SEC24B: variants seen among roughly 807,000 people sequenced by gnomAD.
SEC24B encodes protein transport protein Sec24B.
SEC24B carries 45 observed loss-of-function variants against 142.8 expected under a neutral mutation model. That is an observed-to-expected ratio of 0.32 (90% CI 0.25 to 0.40). The LOEUF is 0.40. SEC24B is among the 10% of genes least tolerant of loss of function. The pLI is 1.00. For missense variants in SEC24B, 1,409 were observed against 1,526.8 expected (o/e 0.92, Z 1.29); for synonymous variants, 574 against 568.2 (o/e 1.01, Z -0.15).
chr4:109,468,253 A>G (rs748521269), intron 2 of SEC24B, among the ~76,000 whole-genome samples: 1 of 152,214 alleles, frequency 6.6e-6, no homozygotes, highest in Admixed American at 6.5e-5. Flanking sequence ...ACTCCCTCAC[A>G]TACTTATTCC....
At chr4:109,505,755 A>T (rs1208913242) in intron 6 of SEC24B, among the ~76,000 whole-genome samples, 1 of 152,204 alleles carries the variant, frequency 6.6e-6, no homozygotes, top group Non-Finnish European at 1.5e-5. Context: ...GAAAGCAAGG[A>T]AACTATCAAA....
rs573186747 is a variant in SEC24B, at chr4:109,527,888, TCTTC to T, written c.3076+460_3076+463del. Among the ~76,000 whole-genome samples, 22 of 152,350 alleles carry T rather than the reference TCTTC, an allele frequency of 1.4e-4. No homozygotes were observed. The East Asian group carries it at 3.7e-3, about 25-fold the overall frequency. Reference sequence around the variant, plus strand: ...TTGTGAATCAGACTGTCCTCACATTTCTTCCTTAATCTTACTTTCAAAATCTTTG... The same window carrying T: ...TTGTGAATCAGACTGTCCTCACATTTCTTAATCTTACTTTCAAAATCTTTG... On this transcript the variant is annotated intron_variant, in intron 18 of 23. Transcript: ENST00000265175.
At chr4:109,511,695 C>T (rs1737351674) in intron 8 of SEC24B, among the ~76,000 whole-genome samples, 1 of 152,172 alleles carries the variant, frequency 6.6e-6, no homozygotes, top group Admixed American at 6.5e-5. Flanking sequence ...TAAAGTTAAA[C>T]TGATAAGATC....
Position 109,516,557 on chromosome 4 carries a change from G to A in SEC24B, c.2043G>A (p.Leu681=), listed in dbSNP as rs750972433. 6.2e-7 allele frequency: 1 copy of A among 1,611,890 alleles called. No individual in the cohort carries two copies. Among genetic ancestry groups the A allele is most frequent in the African/African-American group, 1.3e-5 (1 of 74,830 alleles). ...MLRPPQPAVY[L]FVLDVSHNAV... ...GTCCTCCTCAACCTGCAGTTTACTT[G>A]TTTGTTTTAGATGTGTCTCATAATG... Residue 681 remains leucine, a synonymous_variant, in exon 11 of 24, where the codon TTG becomes TTA. Transcript: ENST00000265175.
At position 109,459,312 on chromosome 4, in the gene SEC24B, G is replaced by A. The variant is rs117480367; in HGVS notation, c.134-3589G>A. Among the ~76,000 whole-genome samples, 803 of 152,272 alleles carry A rather than the reference G, an allele frequency of 5.3e-3. 34 individuals carry two copies. The South Asian group carries it at 0.079, about 15-fold the overall frequency. On this transcript the variant is annotated intron_variant, in intron 1 of 23. Coordinates refer to ENST00000265175, the MANE Select transcript of SEC24B (RefSeq NM_006323.5). ...CTGTAGACTTTCACCATCCAGTGTG[G>A]TGGCCACTAGCTGTACATGGCTGTT...
chr4:109,469,276 C>A (rs1732277398), intron 2 of SEC24B, among the ~76,000 whole-genome samples: 1 of 152,154 alleles, frequency 6.6e-6, no homozygotes, highest in African/African-American at 2.4e-5. Context: ...GGAGCAGCTT[C>A]TTGATTGGTG....
Position 109,494,553 on chromosome 4 carries a change from G to A in SEC24B, c.1247-62G>A. On this transcript the variant is annotated intron_variant, in intron 5 of 23. Transcript: ENST00000265175. ...TGTCAGGGGTTATGGACTGGATCAG[G>A]AGTCCAGTCTTTGTGGAGTCTTGAT... The A allele has an allele frequency of 1.9e-6, 3 of 1,596,294 alleles. No individual in the cohort carries two copies. In the East Asian group the frequency reaches 6.7e-5, roughly 36 times the overall value.
chr4:109,520,295 A>G lies in SEC24B; in HGVS notation c.2127-71A>G, dbSNP rs1723458545. The G allele has an allele frequency of 6.5e-6, 6 of 928,458 alleles. No homozygotes were observed. In the South Asian group the frequency reaches 8.6e-5, roughly 13 times the overall value. 57.5% of individuals were successfully genotyped at this position (928,458 alleles called of 1,614,324 possible). On this transcript the variant is annotated intron_variant, in intron 11 of 23. Coordinates refer to ENST00000265175, the MANE Select transcript of SEC24B (RefSeq NM_006323.5). ...TAATTATCCTTGGACTTAAATTACT[A>G]TTTCATTATTTTCTGAAATGAAATA...
chr4:109,486,657 T>C (rs1734385868), intron 4 of SEC24B, among the ~76,000 whole-genome samples: 1 of 152,166 alleles, frequency 6.6e-6, no homozygotes, highest in African/African-American at 2.4e-5. Context: ...TTATCAGTAA[T>C]TGTAGTGTGA....
chr4:109,515,938 C>T (rs372835627), intron 10 of SEC24B, among the ~76,000 whole-genome samples: 5 of 151,220 alleles, frequency 3.3e-5, no homozygotes, highest in African/African-American at 9.7e-5. Flanking sequence ...GTCCCAGCTA[C>T]TCAGGAGGCT....
chr4:109,477,979 A>G (rs1315368054), intron 3 of SEC24B, among the ~76,000 whole-genome samples: 2 of 152,124 alleles, frequency 1.3e-5, no homozygotes, highest in Non-Finnish European at 2.9e-5. Context: ...AAAATACTCC[A>G]TTTGTTTTTA....
intron 1 of SEC24B, among the ~76,000 whole-genome samples, chr4:109,455,353 G>A (rs538835287): frequency 1.3e-5 from 2 of 151,988 alleles, no homozygotes; most frequent in East Asian, 1.9e-4. Flanking sequence ...AGGTTCAAGC[G>A]AGTCTCCTGC....
At chr4:109,488,918 G>A (rs1734685069) in intron 4 of SEC24B, 1 of 154,476 alleles carries the variant, frequency 6.5e-6, no homozygotes, top group East Asian at 1.9e-4. Context: ...ATAAATATCT[G>A]TTCAAATCTT....
intron 2 of SEC24B, among the ~76,000 whole-genome samples, chr4:109,472,041 C>G (rs1393705037): frequency 6.6e-6 from 1 of 152,152 alleles, no homozygotes; most frequent in Non-Finnish European, 1.5e-5. Context: ...TTTAGACTAC[C>G]TTCTTTCCCC....
chr4:109,516,751 C>A, intron 11 of SEC24B, 111 bp downstream of exon 11: 2 of 556,600 alleles, frequency 3.6e-6, no homozygotes, highest in South Asian at 3.2e-5. Flanking sequence ...TATTTATCAA[C>A]TAAAAAGAGT....
intron 1 of SEC24B, among the ~76,000 whole-genome samples, chr4:109,434,850 A>G (rs1445049923): frequency 6.6e-6 from 1 of 152,200 alleles, no homozygotes; most frequent in Admixed American, 6.5e-5. Flanking sequence ...AGCCGCTTTC[A>G]TATTAAGGTC....
intron 3 of SEC24B, among the ~76,000 whole-genome samples, chr4:109,477,115 C>A (rs961790476): frequency 8.1e-6 from 1 of 124,118 alleles, no homozygotes; most frequent in South Asian, 2.5e-4. Context: ...CCAGCCTGGG[C>A]GACAGAGCGA....
At chr4:109,490,158 ACTTATT>A (rs1045820982) in intron 4 of SEC24B, among the ~76,000 whole-genome samples, 3 of 152,120 alleles carry the variant, frequency 2.0e-5, no homozygotes, top group Non-Finnish European at 2.9e-5. Flanking sequence ...AGTTACCTTC[ACTTATT>A]CTTAGGAGAA....
intron 22 of SEC24B, 97 bp downstream of exon 22, chr4:109,533,782 C>A: frequency 4.8e-6 from 4 of 831,400 alleles, no homozygotes; most frequent in South Asian, 1.5e-5. Flanking sequence ...ATGTACAATT[C>A]AGTAATTTTT....
Sources: allele counts gnomAD v4.1 joint callset (sites outside exome capture counted in the v4.1 genomes callset), GRCh38; gene constraint gnomAD v4.1.1; transcripts MANE v1.5; gene names NCBI Gene and HGNC (gene_info 2026-07-23, HGNC 2026-07-21).